HDAC9: variants seen among roughly 807,000 people sequenced by gnomAD.
HDAC9 encodes the protein histone deacetylase 9.
A neutral mutation model predicts 139.4 loss-of-function variants in HDAC9; 41 were observed. The ratio of observed to expected loss-of-function variants is 0.29; its 90% CI spans 0.23 to 0.38. The LOEUF is 0.38. HDAC9 is among the 10% of genes least tolerant of loss of function. The pLI is 1.00. For missense variants in HDAC9, 1,147 were observed against 1,297.0 expected, an observed-to-expected ratio of 0.88 and a Z score of 1.78; for synonymous variants, 517 against 476.2, an observed-to-expected ratio of 1.09 and a Z score of -1.12.
intron 21 of HDAC9, among the ~76,000 whole-genome samples, chr7:18,840,583 G>A (rs1195809569): frequency 1.3e-5 from 2 of 151,968 alleles, no homozygotes; most frequent in Non-Finnish European, 2.9e-5. Flanking sequence ...AATGCTATGT[G>A]CTTCTAAATT....
chr7:18,227,112 A>C (rs766482549), intron 2 of HDAC9, among the ~76,000 whole-genome samples: 38 of 152,210 alleles, frequency 2.5e-4, no homozygotes, highest in Admixed American at 1.0e-3. Context: ...AGATGGGTGC[A>C]TACACATAAG....
intron 1 of HDAC9, among the ~76,000 whole-genome samples, chr7:18,316,628 C>A (rs1799658931): frequency 1.6e-5 from 1 of 61,282 alleles, no homozygotes; most frequent in South Asian, 8.8e-4. Context: ...GAAACCAGAT[C>A]TCTCCAAAAA....
chr7:18,372,755 G>T (rs1320626725), intron 1 of HDAC9, among the ~76,000 whole-genome samples: 2 of 151,368 alleles, frequency 1.3e-5, no homozygotes, highest in African/African-American at 2.4e-5. Flanking sequence ...ACAGCTTCTG[G>T]CAGACTTGGT....
Position 18,976,090 on chromosome 7 carries a change from C to A in HDAC9, c.3170+137C>A, listed in dbSNP as rs192557496. The A allele has an allele frequency of 2.4e-5, 19 of 776,926 alleles. No individual in the cohort carries two copies. The East Asian group carries it at 4.9e-4, about 20-fold the overall frequency. 48.1% of individuals were successfully genotyped at this position (776,926 alleles called of 1,614,324 possible). On this transcript the variant is annotated intron_variant, in intron 25 of 25. Coordinates refer to ENST00000686413, the MANE Select transcript of HDAC9 (RefSeq NM_178425.4). ...CCTGTCCTCTCCAAAGCCACAGATG[C>A]CACAGCACATGCTTTAGGCTATCGA...
rs191703022 is a variant in HDAC9 at position 18,278,120 on chromosome 7, A to G, written c.25+115771A>G. Among the ~76,000 whole-genome samples, 7 of 152,296 alleles carry G rather than the reference A, an allele frequency of 4.6e-5. No individual in the cohort carries two copies. The East Asian group carries it at 1.2e-3, about 25-fold the overall frequency. ...TATTTTAATCATTACTTCACCAGCTATGTTCCACTTCTGGATATTTTGGTA... is the reference window on the plus strand; with the variant it reads ...TATTTTAATCATTACTTCACCAGCTGTGTTCCACTTCTGGATATTTTGGTA... On this transcript the variant is annotated intron_variant, in intron 2 of 12. Transcript: ENST00000417496.
At chr7:18,946,848 A>G (rs1033171102) in intron 23 of HDAC9, among the ~76,000 whole-genome samples, 3 of 152,078 alleles carry the variant, frequency 2.0e-5, no homozygotes, top group Non-Finnish European at 4.4e-5. Flanking sequence ...ATCCCCTAAC[A>G]TGACAGAATA....
chr7:18,999,826 T>C lies in HDAC9; in HGVS notation c.*3764T>C, dbSNP rs1786666446. The C allele has an allele frequency of 1.3e-5, 2 of 152,184 alleles. No individual in the cohort carries two copies. Among genetic ancestry groups the C allele is most frequent in the Non-Finnish European group, 2.9e-5 (2 of 68,030 alleles). The allele number at this position is 152,184 out of a possible 1,614,324, so 9.4% of individuals were successfully genotyped here. ...TTTCTCTGTCGAATGTTTACTCTCATCTTATCTCAATGAAAGAAGTATTAA... is the reference window on the plus strand; with the variant it reads ...TTTCTCTGTCGAATGTTTACTCTCACCTTATCTCAATGAAAGAAGTATTAA... On this transcript the variant is annotated 3_prime_UTR_variant, in exon 26 of 26. Coordinates refer to ENST00000686413, the MANE Select transcript of HDAC9 (RefSeq NM_178425.4).
At chr7:18,861,416 A>G (rs1798098955) in intron 21 of HDAC9, among the ~76,000 whole-genome samples, 1 of 152,290 alleles carries the variant, frequency 6.6e-6, no homozygotes, top group African/African-American at 2.4e-5. Context: ...GAATCAGTTT[A>G]TCTGTTTTGA....
At chr7:18,434,075 C>T (rs1790941459) in intron 1 of HDAC9, among the ~76,000 whole-genome samples, 1 of 152,088 alleles carries the variant, frequency 6.6e-6, no homozygotes, top group Non-Finnish European at 1.5e-5. Context: ...ACACATAGAC[C>T]AACAGAACAG....
chr7:18,340,036 T>A (rs1781884740), intron 1 of HDAC9, among the ~76,000 whole-genome samples: 1 of 151,524 alleles, frequency 6.6e-6, no homozygotes, highest in Non-Finnish European at 1.5e-5. Context: ...TTCCTTGCCA[T>A]TCTGTTAATT....
intron 1 of HDAC9, among the ~76,000 whole-genome samples, chr7:18,422,126 C>T (rs181705286): frequency 1.3e-5 from 2 of 152,254 alleles, no homozygotes; most frequent in Admixed American, 6.5e-5. Context: ...AAGTTAATGC[C>T]TTGGTTCTAG....
chr7:18,993,504 C>T (rs1168475093), intron 25 of HDAC9, among the ~76,000 whole-genome samples: 3 of 152,152 alleles, frequency 2.0e-5, no homozygotes, highest in African/African-American at 7.2e-5. Context: ...TGCTGCAAGA[C>T]GCTGGGGAGA....
intron 1 of HDAC9, among the ~76,000 whole-genome samples, chr7:18,357,472 A>G (rs1363004097): frequency 6.6e-6 from 1 of 152,114 alleles, no homozygotes; most frequent in East Asian, 1.9e-4. Context: ...AGAAAGAAAT[A>G]AAGGAGAAGG....
intron 22 of HDAC9, among the ~76,000 whole-genome samples, chr7:18,915,610 G>A (rs372006271): frequency 4.7e-5 from 7 of 149,430 alleles, no homozygotes; most frequent in African/African-American, 1.5e-4. Context: ...TTATGATTAT[G>A]TTGCAGCTTA....
At chr7:18,480,934 C>T (rs552701803) in intron 1 of HDAC9, among the ~76,000 whole-genome samples, 47 of 152,260 alleles carry the variant, frequency 3.1e-4, no homozygotes, top group African/African-American at 1.1e-3. Context: ...CTCAGTTCCT[C>T]GTGCCCAAAC....
intron 1 of HDAC9, among the ~76,000 whole-genome samples, chr7:18,360,351 A>G (rs1290092484): frequency 1.3e-5 from 2 of 152,170 alleles, no homozygotes; most frequent in African/African-American, 4.8e-5. Flanking sequence ...ATTTAGACCC[A>G]ATGTCCTTTG....
intron 2 of HDAC9, among the ~76,000 whole-genome samples, chr7:18,267,960 G>C (rs372754516): frequency 6.6e-6 from 1 of 152,164 alleles, no homozygotes; most frequent in South Asian, 2.1e-4. Context: ...CATTCTTATA[G>C]TATTTCCAAT....
At position 18,978,730 on chromosome 7, in the gene HDAC9, A is replaced by G. The variant is rs566476404; in HGVS notation, c.3170+2777A>G. On this transcript the variant is annotated intron_variant, in intron 25 of 25. Coordinates refer to ENST00000686413, the MANE Select transcript of HDAC9 (RefSeq NM_178425.4). ...TGCTAGGAATGTGTACCTTTAAACA[A>G]TTGTAGTTTGCATTTGTTGACTATC... 3.3e-5 allele frequency among the ~76,000 whole-genome samples: 5 copies of G among 152,354 alleles called. No individual in the cohort carries two copies. In the South Asian group the frequency reaches 8.3e-4, roughly 25 times the overall value.
intron 12 of HDAC9, among the ~76,000 whole-genome samples, chr7:18,702,644 T>C (rs915825773): frequency 6.6e-6 from 1 of 152,100 alleles, no homozygotes; most frequent in African/African-American, 2.4e-5. Context: ...TGTATCTGGG[T>C]AACTTCATGG....
Sources: gnomAD v4.1 joint callset for allele counts (sites outside exome capture counted in the v4.1 genomes callset) on GRCh38, gnomAD v4.1.1 for gene constraint, MANE v1.5 for transcripts, NCBI Gene and HGNC (gene_info 2026-07-23, HGNC 2026-07-21) for gene names.